Variants in PTCH1 observed in about 807,000 individuals in gnomAD.
The protein encoded by PTCH1 is patched 1, also known as protein patched homolog 1.
Under a neutral mutation model 144.6 loss-of-function variants are expected in PTCH1, and 14 were observed. The observed-to-expected ratio is 0.10, with a 90% CI of 0.06 to 0.15. The LOEUF (loss-of-function observed/expected upper bound fraction) is 0.15. Ranked by LOEUF, PTCH1 falls within the 10% of genes least tolerant of loss-of-function variation. The pLI, the probability that PTCH1 is intolerant of heterozygous loss-of-function variation, is 1.00. For synonymous variants in PTCH1, 833 were observed against 793.6 expected (o/e 1.05, Z -0.83); for missense variants, 1,623 against 1,948.3 (o/e 0.83, Z 3.14).
At position 95,480,041 on chromosome 9, in the gene PTCH1, C is replaced by G. The variant is rs1564054690; in HGVS notation, c.995G>C (p.Arg332Thr). ...VLNGGCHGLS[R>T]KYMHWQEELI... is the part of the protein sequence containing the mutation. ...CTCCTCCTGCCAGTGCATATACTTTCTGGATAAGCCATGACATCCACCATT... is the reference window on the plus strand; with the variant it reads ...CTCCTCCTGCCAGTGCATATACTTTGTGGATAAGCCATGACATCCACCATT... The change falls in exon 7 of 24, where the codon AGA (arginine) becomes ACA (threonine). Residue 332 changes from arginine (R) to threonine (T), a missense_variant. Around this residue, in one of 7 missense-constraint regions of PTCH1, gnomAD observed 230 missense variants for 271.0 expected, o/e 0.85. Coordinates refer to ENST00000331920, the MANE Select transcript of PTCH1 (RefSeq NM_000264.5). 6.2e-7 allele frequency: 1 copy of G among 1,614,048 alleles called. No homozygotes were observed. The highest frequency in any genetic ancestry group is 8.5e-7 in the Non-Finnish European group (1 of 1,180,022).
At chr9:95,471,242 G>A (rs141069039) in intron 12 of PTCH1, among the ~76,000 whole-genome samples, 70 of 152,308 alleles carry the variant, frequency 4.6e-4, no homozygotes, top group Middle Eastern at 6.8e-3. Flanking sequence ...CTTCCACAAA[G>A]GGCTTTGGAT....
intron 16 of PTCH1, among the ~76,000 whole-genome samples, chr9:95,460,726 C>T (rs1839384038): frequency 6.6e-6 from 1 of 152,288 alleles, no homozygotes; most frequent in East Asian, 1.9e-4. Context: ...GGCCTCTGTG[C>T]ATGCAGCACG....
In PTCH1 at chr9:95,449,326, A is replaced by G. The variant is rs1838244570; in HGVS notation, c.3550-3T>C. ...TTCAAGCCGTTGGCTGGAGACACCT[A>G]TTTAAGGGGATTCCATGTTAAAAGT... is the stretch of plus-strand genomic sequence containing the variant. On this transcript the variant is annotated splice_region_variant and splice_polypyrimidine_tract_variant and intron_variant, in intron 21 of 23. Transcript: ENST00000331920. This position sits in a 1 kb window ranked among gnomAD's most constrained non-coding sequence, Gnocchi z 5.3. The G allele has an allele frequency of 6.5e-7, 1 of 1,545,718 alleles. No individual in the cohort carries two copies.
intron 20 of PTCH1, chr9:95,450,292 T>C (rs900756254): frequency 8.5e-6 from 3 of 351,384 alleles, no homozygotes; most frequent in Non-Finnish European, 1.1e-5. Context: ...CTGGGCAGAC[T>C]GAAAGCACAA....
chr9:95,453,745 G>A (rs1361059797), intron 19 of PTCH1, 125 bp from the exon 20 acceptor site: 4 of 1,289,106 alleles, frequency 3.1e-6, no homozygotes, highest in African/African-American at 1.5e-5. Context: ...GCTAGAATGT[G>A]TAATCAGAGT....
intron 2 of PTCH1, among the ~76,000 whole-genome samples, chr9:95,504,576 A>G (rs560130320): frequency 6.6e-6 from 1 of 151,908 alleles, no homozygotes; most frequent in Non-Finnish European, 1.5e-5. Flanking sequence ...TATTCTGTCC[A>G]AGAATCTACG....
Position 95,468,934 on chromosome 9 carries a change from G to A in PTCH1, c.2067C>T (p.Pro689=), listed in dbSNP as rs758799508. Reference sequence around the variant, plus strand: ...TGAGGGTGTCCTGTGTCACGGTGACGGGCTGCACAGAGATCTCGGAGCGCG... The same window carrying A: ...TGAGGGTGTCCTGTGTCACGGTGACAGGCTGCACAGAGATCTCGGAGCGCG... ...AEPRSEISVQ[P]VTVTQDTLSC... Residue 689 remains proline, a synonymous_variant, in exon 14 of 24, where the codon CCC becomes CCT. Coordinates refer to ENST00000331920, the MANE Select transcript of PTCH1 (RefSeq NM_000264.5). 30 of 1,614,166 alleles carry A rather than the reference G, an allele frequency of 1.9e-5. No individual in the cohort carries two copies. Among genetic ancestry groups the A allele is most frequent in the East Asian group, 6.7e-5 (3 of 44,870 alleles).
chr9:95,462,495 A>G (rs1002613695), intron 15 of PTCH1, among the ~76,000 whole-genome samples: 1 of 152,150 alleles, frequency 6.6e-6, no homozygotes. Flanking sequence ...GATTCTGTCA[A>G]TTTGTTCCAT....
At chr9:95,496,167 C>T (rs1245870565) in intron 2 of PTCH1, among the ~76,000 whole-genome samples, 3 of 152,214 alleles carry the variant, frequency 2.0e-5, no homozygotes, top group Non-Finnish European at 2.9e-5. Flanking sequence ...CATTTACACA[C>T]TCAGCATTAC....
At chr9:95,448,446 G>A (rs1838152302) in intron 22 of PTCH1, among the ~76,000 whole-genome samples, 1 of 152,144 alleles carries the variant, frequency 6.6e-6, no homozygotes, top group African/African-American at 2.4e-5. Context: ...CAGGTCCTTG[G>A]AGCCTCCGAG....
intron 1 of PTCH1, 176 bp from the exon 2 acceptor site, chr9:95,506,775 C>T: frequency 6.5e-6 from 7 of 1,070,096 alleles, no homozygotes; most frequent in Non-Finnish European, 8.3e-6. Context: ...TCATGGGGGG[C>T]TCGGTCATAA....
intron 5 of PTCH1, 31 bp from the exon 6 acceptor site, chr9:95,480,619 A>G (rs1451383521): frequency 3.1e-6 from 5 of 1,594,280 alleles, no homozygotes; most frequent in South Asian, 1.1e-5. Flanking sequence ...CGAGACCATG[A>G]AAAGAGCCTT....
Position 95,508,383 on chromosome 9 carries a change from G to A in PTCH1, c.-22C>T. 6 of 1,152,540 alleles carry A rather than the reference G, an allele frequency of 5.2e-6. No individual in the cohort carries two copies. The highest frequency in any genetic ancestry group is 6.4e-6 in the Non-Finnish European group (6 of 939,332). The allele number at this position is 1,152,540 out of a possible 1,614,324, so 71.4% of individuals were successfully genotyped here. A position where few individuals can be genotyped will look rare whatever the true frequency, so the allele number is the denominator to read the frequency against. The stretch of plus-strand genomic sequence containing the variant: ...CCATGTTGCCGCCGCCGCCGCCGCC[G>A]CCGCGGGGACGGAGGCTTCCCGGGC... On this transcript the variant is annotated 5_prime_UTR_variant, in exon 1 of 24. Transcript: ENST00000331920.
rs1843679408 is a variant in PTCH1 at position 95,506,685 on chromosome 9, G to T, written c.202-86C>A. On this transcript the variant is annotated intron_variant, in intron 1 of 23. Transcript: ENST00000331920. ...CCGCTTGCGCGCACCCGCCCGGTGA[G>T]CCCCCAACAGCCGTGGGGGCGCGGG... 3.7e-6 allele frequency: 4 copies of T among 1,093,408 alleles called. 1 individual carries two copies. Among genetic ancestry groups the T allele is most frequent in the Non-Finnish European group, 4.8e-6 (4 of 830,956 alleles). The allele number at this position is 1,093,408 out of a possible 1,614,324, so 67.7% of individuals were successfully genotyped here. A position where few individuals can be genotyped will look rare whatever the true frequency, so the allele number is the denominator to read the frequency against.
chr9:95,466,093 G>T (rs1177082567), intron 15 of PTCH1, among the ~76,000 whole-genome samples: 1 of 152,052 alleles, frequency 6.6e-6, no homozygotes, highest in East Asian at 1.9e-4. Flanking sequence ...TGTCGCCCAG[G>T]CTGGAATGCA....
At chr9:95,510,408 G>A (rs1389052319), upstream of PTCH1, among the ~76,000 whole-genome samples, 9 of 152,196 alleles carry the variant, frequency 5.9e-5, no homozygotes, top group Non-Finnish European at 1.3e-4. Flanking sequence ...GTGTCACCAA[G>A]GCATCCCGGG....
At chr9:95,490,800 T>C (rs1210006042) in intron 2 of PTCH1, among the ~76,000 whole-genome samples, 1 of 152,146 alleles carries the variant, frequency 6.6e-6, no homozygotes, top group South Asian at 2.1e-4. Context: ...TAGTGTTCCA[T>C]AGCATAGTAG....
At chr9:95,509,683 C>G (rs1844044993), upstream of PTCH1, among the ~76,000 whole-genome samples, 1 of 152,174 alleles carries the variant, frequency 6.6e-6, no homozygotes, top group Admixed American at 6.5e-5. Context: ...AGCGCTTAAA[C>G]AATTTCTGAA....
At position 95,458,288 on chromosome 9, in the gene PTCH1, C is replaced by T. The variant is rs2136662921; in HGVS notation, c.2893G>A (p.Ala965Thr). 1.2e-6 allele frequency: 2 copies of T among 1,613,532 alleles called. No individual in the cohort carries two copies. Among genetic ancestry groups the T allele is most frequent in the Non-Finnish European group, 1.7e-6 (2 of 1,179,940 alleles). ...YMPETRLRIP[A>T]AEPIEYAQFP... ...TGGGCATACTCGATGGGCTCTGCTG[C>T]CGGGACTGGACAGAGAAGGGCACAG... The change falls in exon 18 of 24, where the codon GCA (alanine) becomes ACA (threonine). Residue 965 changes from alanine to threonine, a missense_variant. Physicochemically the swap from Ala to Thr is moderately conservative, Grantham distance 58 (BLOSUM62 0). This residue lies in a region of PTCH1 where 504 missense variants were observed against 679.3 expected (regional missense o/e 0.74). Transcript: ENST00000331920. This position sits in a 1 kb window ranked among gnomAD's most constrained non-coding sequence, Gnocchi z 4.7.
Sources: allele counts gnomAD v4.1 joint callset (sites outside exome capture counted in the v4.1 genomes callset), GRCh38; gene constraint gnomAD v4.1.1; regional missense constraint gnomAD v4.1.1; non-coding constraint Gnocchi (gnomAD v3.1); transcripts MANE v1.5; gene names NCBI Gene and HGNC (gene_info 2026-07-23, HGNC 2026-07-21).